The following ABCA13 variants were observed in gnomAD, a reference collection of about 807,000 sequenced individuals.
The protein encoded by ABCA13 is ATP binding cassette subfamily A member 13.
In ABCA13, 476 loss-of-function variants were observed where a neutral mutation model predicts 478.7. The observed-to-expected ratio is 0.99, with a 90% CI of 0.92 to 1.07. The LOEUF is 1.07. ABCA13 is among the 50% of genes least tolerant of loss of function. ABCA13 has a pLI of 0.00. For missense variants in ABCA13, 6,060 were observed against 5,910.6 expected (o/e 1.03, Z -0.83); for synonymous variants, 2,252 against 2,158.9 (o/e 1.04, Z -1.20).
At chr7:48,555,398 A>G (rs374937429) in intron 55 of ABCA13, among the ~76,000 whole-genome samples, 5 of 151,906 alleles carry the variant, frequency 3.3e-5, no homozygotes, top group African/African-American at 9.7e-5. Context: ...TAGTTTGAGT[A>G]GGATTGGTAT....
At chr7:48,458,048 A>G (rs1825858508) in intron 43 of ABCA13, among the ~76,000 whole-genome samples, 1 of 152,112 alleles carries the variant, frequency 6.6e-6, no homozygotes, top group South Asian at 2.1e-4. Context: ...ACTGACATTC[A>G]TTACTTTTCT....
At chr7:48,291,341 A>G (rs1284420021) in intron 20 of ABCA13, among the ~76,000 whole-genome samples, 1 of 152,206 alleles carries the variant, frequency 6.6e-6, no homozygotes, top group East Asian at 1.9e-4. Flanking sequence ...AGACCCCTTC[A>G]GGTGTTACTC....
intron 24 of ABCA13, among the ~76,000 whole-genome samples, chr7:48,311,148 T>G (rs975407173): frequency 6.6e-6 from 1 of 152,092 alleles, no homozygotes; most frequent in Non-Finnish European, 1.5e-5. Context: ...ACCCTGAGTT[T>G]GGGTGAACAG....
intron 27 of ABCA13, among the ~76,000 whole-genome samples, chr7:48,317,752 A>C (rs1178073207): frequency 6.6e-6 from 1 of 152,218 alleles, no homozygotes; most frequent in Non-Finnish European, 1.5e-5. Flanking sequence ...ATTCACTGTA[A>C]GGCTTTGCTT....
chr7:48,645,347 T>G (rs1402233541), intron 61 of ABCA13, 70 bp from the exon 62 acceptor site: 1 of 1,254,428 alleles, frequency 8.0e-7, no homozygotes, highest in Non-Finnish European at 1.1e-6. Flanking sequence ...AGACAATGTC[T>G]CCTTTCTAAT....
At chr7:48,259,166 A>C (rs1162376269) in intron 15 of ABCA13, among the ~76,000 whole-genome samples, 1 of 151,826 alleles carries the variant, frequency 6.6e-6, no homozygotes, top group Non-Finnish European at 1.5e-5. Flanking sequence ...TATTTTTGTT[A>C]GTTTTCTGTC....
intron 1 of ABCA13, among the ~76,000 whole-genome samples, chr7:48,172,777 G>A (rs867170576): frequency 3.2e-5 from 4 of 123,478 alleles, no homozygotes; most frequent in African/African-American, 1.3e-4. Flanking sequence ...CAGCCTGGGC[G>A]ACAGAGCGAG....
intron 52 of ABCA13, among the ~76,000 whole-genome samples, chr7:48,519,655 G>A (rs887065457): frequency 4.6e-5 from 7 of 151,996 alleles, no homozygotes; most frequent in African/African-American, 1.2e-4. Flanking sequence ...ATCCTAAATC[G>A]AACACTTATG....
intron 27 of ABCA13, among the ~76,000 whole-genome samples, chr7:48,323,278 T>C (rs1375405579): frequency 1.3e-5 from 2 of 152,212 alleles, no homozygotes; most frequent in Non-Finnish European, 2.9e-5. Context: ...CCGTCCCCAG[T>C]GCCTAGAAGA....
At chr7:48,548,774 C>T (rs953340854) in intron 55 of ABCA13, among the ~76,000 whole-genome samples, 2 of 151,750 alleles carry the variant, frequency 1.3e-5, no homozygotes, top group Non-Finnish European at 2.9e-5. Context: ...GAGCAATGTG[C>T]AGGTTCCCTC....
chr7:48,234,647 G>A (rs1789672719), intron 8 of ABCA13, among the ~76,000 whole-genome samples: 1 of 152,232 alleles, frequency 6.6e-6, no homozygotes, highest in Admixed American at 6.5e-5. Context: ...GAGTTGGACT[G>A]GATGATCGAT....
In ABCA13 at chr7:48,279,406, G is replaced by T. The variant is rs762854559; in HGVS notation, c.8212G>T (p.Val2738Leu). 16 of 1,601,166 alleles carry T rather than the reference G, an allele frequency of 1.0e-5. No individual in the cohort carries two copies. The highest frequency in any genetic ancestry group is 1.4e-5 in the Non-Finnish European group (16 of 1,172,648). ...STEIGSFLKM[V>L]ICLTLEALWK... Reference sequence around the variant, plus strand: ...AGAAATAGGATCTTTCTTGAAAATGGTGATCTGTCTCACCTTAGAAGCTCT... The same window carrying T: ...AGAAATAGGATCTTTCTTGAAAATGTTGATCTGTCTCACCTTAGAAGCTCT... The change falls in exon 18 of 62, where the codon GTG (valine) becomes TTG (leucine). Residue 2738 changes from valine to leucine, a missense_variant. Physicochemically the swap from Val to Leu is conservative, Grantham distance 32. Coordinates refer to ENST00000435803, the MANE Select transcript of ABCA13 (RefSeq NM_152701.5).
At chr7:48,610,721 C>T (rs113960269) in intron 58 of ABCA13, among the ~76,000 whole-genome samples, 14 of 152,336 alleles carry the variant, frequency 9.2e-5, no homozygotes, top group African/African-American at 1.7e-4. Flanking sequence ...TCTGTGCATC[C>T]GCAGGCTTAC....
intron 23 of ABCA13, among the ~76,000 whole-genome samples, chr7:48,308,862 G>A (rs1202729793): frequency 2.0e-5 from 3 of 150,324 alleles, no homozygotes; most frequent in Non-Finnish European, 3.0e-5. Flanking sequence ...ACAGTGACAC[G>A]CTGTACAGGT....
intron 48 of ABCA13, among the ~76,000 whole-genome samples, chr7:48,495,381 G>A (rs1490586409): frequency 6.6e-6 from 1 of 151,908 alleles, no homozygotes; most frequent in East Asian, 1.9e-4. Flanking sequence ...TTCTGGTTTG[G>A]TTCATCACGG....
chr7:48,523,460 C>T (rs760051718), intron 53 of ABCA13, among the ~76,000 whole-genome samples: 2 of 151,842 alleles, frequency 1.3e-5, no homozygotes, highest in Admixed American at 6.6e-5. Flanking sequence ...CAGCTTCTCC[C>T]AATGATAATA....
intron 32 of ABCA13, among the ~76,000 whole-genome samples, 154 bp downstream of exon 32, chr7:48,368,062 A>G (rs1167511984): frequency 6.6e-6 from 1 of 152,112 alleles, no homozygotes. Flanking sequence ...TCCCTGTTCC[A>G]GAAAGAAGAT....
At position 48,455,030 on chromosome 7, in the gene ABCA13, C is replaced by G; in HGVS notation, c.12566-7C>G. 1 of 1,496,834 alleles carries G rather than the reference C, an allele frequency of 6.7e-7. No individual in the cohort carries two copies. Among genetic ancestry groups the G allele is most frequent in the Non-Finnish European group, 8.9e-7 (1 of 1,124,090 alleles). 92.7% of individuals were successfully genotyped at this position (1,496,834 alleles called of 1,614,324 possible). ...CCCAGCCGCCCTTCCTCCCGCCCGTCCTGCAGGTGGCTCCCTAGCACGGCC... is the reference window on the plus strand; with the variant it reads ...CCCAGCCGCCCTTCCTCCCGCCCGTGCTGCAGGTGGCTCCCTAGCACGGCC... On this transcript the variant is annotated splice_region_variant and splice_polypyrimidine_tract_variant and intron_variant, in intron 42 of 61. Transcript: ENST00000435803.
intron 41 of ABCA13, 69 bp from the exon 42 acceptor site, chr7:48,427,697 G>A: frequency 9.9e-7 from 1 of 1,005,780 alleles, no homozygotes; most frequent in South Asian, 1.4e-5. Context: ...GGCAATTGAG[G>A]CAGAAGAAAA....
Sources: allele counts gnomAD v4.1 joint callset (sites outside exome capture counted in the v4.1 genomes callset), GRCh38; gene constraint gnomAD v4.1.1; transcripts MANE v1.5; gene names NCBI Gene and HGNC (gene_info 2026-07-23, HGNC 2026-07-21).